Variants in ARID5B observed in about 807,000 individuals in gnomAD.
ARID5B encodes AT-rich interaction domain 5B.
ARID5B carries 13 observed loss-of-function variants against 97.2 expected under a neutral mutation model. That is an observed-to-expected ratio of 0.13 (90% CI 0.09 to 0.21). The LOEUF is 0.21. Ranked by LOEUF, ARID5B falls within the 10% of genes least tolerant of loss-of-function variation. The pLI, the probability that ARID5B is intolerant of heterozygous loss-of-function variation, is 1.00. For synonymous variants in ARID5B, 556 were observed against 570.3 expected (o/e 0.97, Z 0.36); for missense variants, 1,210 against 1,465.3 (o/e 0.83, Z 2.84).
chr10:62,091,459 A>G lies in ARID5B; in HGVS notation c.1996A>G (p.Met666Val), dbSNP rs1840371166. Residue 666 changes from methionine to valine, a missense_variant, in exon 10 of 10, where the codon ATG (methionine) becomes GTG (valine). Transcript: ENST00000279873. ...CAAAGACAAAGACCTGACTGGGCCC[A>G]TGAACGAGAACCATGGACTTAATTA... ...MFKDKDLTGPMNENHGLNYTP... is the reference protein window; with the variant it reads ...MFKDKDLTGPVNENHGLNYTP... The G allele has an allele frequency of 1.9e-6, 3 of 1,611,682 alleles. No homozygotes were observed. Among genetic ancestry groups the G allele is most frequent in the South Asian group, 1.1e-5 (1 of 90,750 alleles).
chr10:61,946,627 C>T (rs1838237035), intron 3 of ARID5B, among the ~76,000 whole-genome samples: 1 of 152,138 alleles, frequency 6.6e-6, no homozygotes, highest in South Asian at 2.1e-4. Flanking sequence ...AACCTTCTAA[C>T]TAAAACGAAT....
At chr10:62,052,296 T>C (rs1157191659) in intron 5 of ARID5B, among the ~76,000 whole-genome samples, 1 of 152,250 alleles carries the variant, frequency 6.6e-6, no homozygotes, top group Non-Finnish European at 1.5e-5. Flanking sequence ...CCTAGAACTA[T>C]CTACCTAGGA....
intron 4 of ARID5B, among the ~76,000 whole-genome samples, chr10:62,044,378 T>G (rs1051720321): frequency 3.2e-4 from 12 of 37,670 alleles, no homozygotes; most frequent in Non-Finnish European, 4.4e-4. Context: ...ATTTGCTCTT[T>G]TTTTTTTTTT....
intron 4 of ARID5B, among the ~76,000 whole-genome samples, chr10:62,027,568 C>T (rs1243452023): frequency 6.6e-6 from 1 of 151,912 alleles, no homozygotes; most frequent in African/African-American, 2.4e-5. Context: ...CCACTTCGGC[C>T]TCCCAAAGTG....
At chr10:61,914,604 C>T (rs1471399438) in intron 2 of ARID5B, among the ~76,000 whole-genome samples, 1 of 152,146 alleles carries the variant, frequency 6.6e-6, no homozygotes, top group African/African-American at 2.4e-5. Flanking sequence ...AGAAAATGCC[C>T]CATATTTCTC....
chr10:62,024,562 T>G, intron 4 of ARID5B: 1 of 372,076 alleles, frequency 2.7e-6, no homozygotes, highest in Non-Finnish European at 4.8e-6. Context: ...GTTTCCTGAT[T>G]GATATTGACT....
chr10:61,993,194 G>A (rs1338105667), intron 3 of ARID5B, among the ~76,000 whole-genome samples: 1 of 151,750 alleles, frequency 6.6e-6, no homozygotes, highest in Non-Finnish European at 1.5e-5. Flanking sequence ...TTCAACATCA[G>A]TTTAACTGCA....
chr10:62,054,348 A>G (rs1448635633), intron 5 of ARID5B, among the ~76,000 whole-genome samples: 1 of 152,156 alleles, frequency 6.6e-6, no homozygotes. Context: ...ATTTAGTCCT[A>G]CCCAGAATCA....
chr10:61,972,530 G>A (rs1434269156), intron 3 of ARID5B, among the ~76,000 whole-genome samples: 3 of 152,060 alleles, frequency 2.0e-5, no homozygotes, highest in Non-Finnish European at 4.4e-5. Context: ...CTCCCGGCCT[G>A]TATCATGCTT....
At chr10:61,945,960 A>G (rs1259015824) in intron 3 of ARID5B, among the ~76,000 whole-genome samples, 1 of 149,116 alleles carries the variant, frequency 6.7e-6, no homozygotes. Context: ...GCTTGTTTAT[A>G]TGTATATATA....
At position 62,091,802 on chromosome 10, in the gene ARID5B, G is replaced by C; in HGVS notation, c.2339G>C (p.Arg780Pro). 1 of 1,613,992 alleles carries C rather than the reference G, an allele frequency of 6.2e-7. No homozygotes were observed. Among genetic ancestry groups the C allele is most frequent in the Non-Finnish European group, 8.5e-7 (1 of 1,179,982 alleles). ...ATCTTTAAGCATGAGAAACTGAGTC[G>C]ATCAGATCCCCACCGCTGCAGCTTC... ...NDIFKHEKLSRSDPHRCSFSK... is the reference protein window; with the variant it reads ...NDIFKHEKLSPSDPHRCSFSK... The change falls in exon 10 of 10, where the codon CGA (arginine) becomes CCA (proline). Residue 780 changes from arginine (R) to proline (P), a missense_variant. Arg to Pro is a moderately radical substitution (Grantham distance 103). Coordinates refer to ENST00000279873, the MANE Select transcript of ARID5B (RefSeq NM_032199.3).
chr10:61,942,880 T>C (rs116597468), intron 3 of ARID5B, among the ~76,000 whole-genome samples: 1,840 of 152,326 alleles, frequency 0.012, 48 homozygotes, highest in African/African-American at 0.042. Context: ...TGGAGACAGC[T>C]TTATGATTAG....
chr10:62,020,523 C>A (rs1406705215), intron 4 of ARID5B, among the ~76,000 whole-genome samples: 1 of 152,142 alleles, frequency 6.6e-6, no homozygotes, highest in Non-Finnish European at 1.5e-5. Flanking sequence ...AAAATGAGCT[C>A]TCCAGTAAAA....
chr10:61,925,854 C>T (rs1039641325), intron 2 of ARID5B, among the ~76,000 whole-genome samples: 1 of 152,146 alleles, frequency 6.6e-6, no homozygotes, highest in African/African-American at 2.4e-5. Context: ...TGGCTATAAC[C>T]ATGAAGGATG....
At chr10:62,045,046 A>G (rs1195479344) in intron 4 of ARID5B, among the ~76,000 whole-genome samples, 1 of 152,242 alleles carries the variant, frequency 6.6e-6, no homozygotes, top group Non-Finnish European at 1.5e-5. Flanking sequence ...TGTGGATTTG[A>G]AATAAAAATT....
At chr10:61,912,928 T>C (rs79901864) in intron 2 of ARID5B, among the ~76,000 whole-genome samples, 109 of 152,362 alleles carry the variant, frequency 7.2e-4, no homozygotes, top group African/African-American at 2.4e-3. Context: ...CTTGCCATTA[T>C]CTAGTTTGAG....
chr10:62,085,285 T>A (rs757727072), intron 8 of ARID5B, among the ~76,000 whole-genome samples: 7 of 152,258 alleles, frequency 4.6e-5, no homozygotes, highest in Non-Finnish European at 1.0e-4. Context: ...GAATGTTTGG[T>A]TCATGGCTGT....
intron 8 of ARID5B, among the ~76,000 whole-genome samples, chr10:62,073,050 G>A (rs1018653364): frequency 1.3e-5 from 2 of 152,224 alleles, no homozygotes; most frequent in African/African-American, 4.8e-5. Flanking sequence ...TCAATGAGTT[G>A]AGAATGGTCA....
chr10:61,916,693 C>T (rs2038883488), intron 2 of ARID5B, among the ~76,000 whole-genome samples: 1 of 152,058 alleles, frequency 6.6e-6, no homozygotes, highest in South Asian at 2.1e-4. Context: ...GTGACAGAAA[C>T]ATTGTGCTGT....
Sources: gnomAD v4.1 joint callset for allele counts (sites outside exome capture counted in the v4.1 genomes callset) on GRCh38, gnomAD v4.1.1 for gene constraint, MANE v1.5 for transcripts, NCBI Gene and HGNC (gene_info 2026-07-23, HGNC 2026-07-21) for gene names.